The following DNAJC6 variants were observed in gnomAD, a reference collection of about 807,000 sequenced individuals.
The protein encoded by DNAJC6 is DnaJ heat shock protein family (Hsp40) member C6, also known as auxilin.
DNAJC6 carries 34 observed loss-of-function variants against 110.0 expected under a neutral mutation model. The observed-to-expected ratio is 0.31, with a 90% CI of 0.24 to 0.41. DNAJC6 has a LOEUF of 0.41. Among genes scored for constraint, DNAJC6 ranks in the 10% least tolerant of loss-of-function variants. The pLI is 1.00. For missense variants in DNAJC6, 1,031 were observed against 1,207.8 expected, an observed-to-expected ratio of 0.85 and a Z score of 2.17; for synonymous variants, 406 against 437.2, an observed-to-expected ratio of 0.93 and a Z score of 0.89.
intron 4 of DNAJC6, among the ~76,000 whole-genome samples, chr1:65,377,445 G>A (rs1211826777): frequency 6.6e-6 from 1 of 152,176 alleles, no homozygotes. Context: ...ATCATGTTGG[G>A]TAAAAGGGGC....
intron 13 of DNAJC6, among the ~76,000 whole-genome samples, chr1:65,398,546 T>G (rs1222501960): frequency 6.6e-6 from 1 of 152,162 alleles, no homozygotes; most frequent in Non-Finnish European, 1.5e-5. Flanking sequence ...CGTGTGGATA[T>G]GGAGGTAAAA....
At chr1:65,311,137 A>G (rs944519846) in intron 1 of DNAJC6, among the ~76,000 whole-genome samples, 4 of 151,590 alleles carry the variant, frequency 2.6e-5, no homozygotes, top group Non-Finnish European at 1.5e-5. Context: ...AAGTTAACCA[A>G]GATATTGATG....
intron 1 of DNAJC6, among the ~76,000 whole-genome samples, chr1:65,347,414 T>G (rs1413173568): frequency 6.6e-6 from 1 of 152,000 alleles, no homozygotes; most frequent in African/African-American, 2.4e-5. Flanking sequence ...TCTTTTTTTT[T>G]TTTACTTCAT....
intron 1 of DNAJC6, among the ~76,000 whole-genome samples, chr1:65,273,097 G>C (rs1653558127): frequency 6.6e-6 from 1 of 152,018 alleles, no homozygotes. Context: ...TTATACATTT[G>C]AGTAGTCTCT....
intron 1 of DNAJC6, among the ~76,000 whole-genome samples, chr1:65,350,593 T>A (rs1031370583): frequency 6.6e-6 from 1 of 152,234 alleles, no homozygotes; most frequent in African/African-American, 2.4e-5. Context: ...TGAAAACATG[T>A]TAAATTTTAT....
At chr1:65,330,459 C>CTT (rs554827732) in intron 1 of DNAJC6, among the ~76,000 whole-genome samples, 49 of 149,110 alleles carry the variant, frequency 3.3e-4, no homozygotes, top group African/African-American at 1.2e-3. Flanking sequence ...AAGTCTATTT[C>CTT]TTTTTTTTTT....
At chr1:65,321,670 A>G (rs2101416077) in intron 1 of DNAJC6, among the ~76,000 whole-genome samples, 1 of 152,362 alleles carries the variant, frequency 6.6e-6, no homozygotes, top group Non-Finnish European at 1.5e-5. Context: ...TATCATATGC[A>G]GAACTTACAA....
At chr1:65,357,824 T>C (rs1167543105) in intron 1 of DNAJC6, among the ~76,000 whole-genome samples, 2 of 152,170 alleles carry the variant, frequency 1.3e-5, no homozygotes, top group Non-Finnish European at 2.9e-5. Flanking sequence ...GAAGGACATA[T>C]CAAACTTGAA....
At chr1:65,345,024 G>T (rs1460708728) in intron 1 of DNAJC6, among the ~76,000 whole-genome samples, 1 of 152,130 alleles carries the variant, frequency 6.6e-6, no homozygotes, top group East Asian at 1.9e-4. Context: ...ACCTCAAGTT[G>T]CCATTTACTA....
At chr1:65,291,444 T>C (rs2101229192) in intron 1 of DNAJC6, among the ~76,000 whole-genome samples, 1 of 152,364 alleles carries the variant, frequency 6.6e-6, no homozygotes, top group African/African-American at 2.4e-5. Flanking sequence ...AAGTTAGTAA[T>C]GAATCTATAG....
At chr1:65,324,309 T>C (rs1170195674) in intron 1 of DNAJC6, among the ~76,000 whole-genome samples, 1 of 152,074 alleles carries the variant, frequency 6.6e-6, no homozygotes, top group African/African-American at 2.4e-5. Context: ...CCCTCATAGC[T>C]GGGACTGCAG....
Position 65,365,119 on chromosome 1 carries a change from AC to A in DNAJC6, c.344+337del, listed in dbSNP as rs372133046. 1.5e-4 allele frequency among the ~76,000 whole-genome samples: 23 copies of A among 151,960 alleles called. No homozygotes were observed. In the East Asian group the frequency reaches 3.9e-3, roughly 26 times the overall value. ...TAACCTCTCAGAGCTTTTTTTTTAT[AC>A]CCTGACAGGATTTGTGTCTTTGGGT... On this transcript the variant is annotated intron_variant, in intron 2 of 18. Transcript: ENST00000371069.
intron 4 of DNAJC6, among the ~76,000 whole-genome samples, chr1:65,373,382 A>G (rs6588140): frequency 0.25 from 38,094 of 151,922 alleles, 8,291 homozygotes; most frequent in East Asian, 0.61. Flanking sequence ...TGATTGTACT[A>G]ATTTACCTTC....
chr1:65,343,696 T>C (rs1645410289), intron 1 of DNAJC6, among the ~76,000 whole-genome samples: 1 of 151,934 alleles, frequency 6.6e-6, no homozygotes, highest in Non-Finnish European at 1.5e-5. Context: ...AGAGAAAAGC[T>C]GCAGGGTGCT....
chr1:65,336,402 G>A (rs554479875), intron 1 of DNAJC6, among the ~76,000 whole-genome samples: 101 of 152,234 alleles, frequency 6.6e-4, no homozygotes, highest in Non-Finnish European at 1.3e-3. Context: ...AGATTTGGGT[G>A]GGGACACAGC....
chr1:65,366,586 G>T (rs1301884478), intron 4 of DNAJC6, among the ~76,000 whole-genome samples: 1 of 152,152 alleles, frequency 6.6e-6, no homozygotes, highest in African/African-American at 2.4e-5. Flanking sequence ...TCAAGATAAG[G>T]CAGTGTGGAT....
chr1:65,377,084 G>C (rs1188266593), intron 4 of DNAJC6, among the ~76,000 whole-genome samples: 1 of 152,164 alleles, frequency 6.6e-6, no homozygotes, highest in Non-Finnish European at 1.5e-5. Flanking sequence ...TTTTGAATTT[G>C]TACAGACTCG....
chr1:65,392,067 C>T (rs764535987), intron 11 of DNAJC6, among the ~76,000 whole-genome samples: 2 of 152,164 alleles, frequency 1.3e-5, no homozygotes, highest in South Asian at 2.1e-4. Flanking sequence ...TGAACCACCA[C>T]GCCCGGCCGT....
rs1646153122 is a variant in DNAJC6, at chr1:65,414,325, T to C, written c.*1300T>C. 6.6e-6 allele frequency: 1 copy of C among 152,644 alleles called. No homozygotes were observed. Among genetic ancestry groups the C allele is most frequent in the Non-Finnish European group, 1.5e-5 (1 of 68,042 alleles). The allele number at this position is 152,644 out of a possible 1,614,324, so 9.5% of individuals were successfully genotyped here. A position where few individuals can be genotyped will look rare whatever the true frequency, so the allele number is the denominator to read the frequency against. ...ATTTTAAGGGGTAAGCAGTTTGCTA[T>C]TCTGTGACTTTAGTAGATCTCTTTT... On this transcript the variant is annotated 3_prime_UTR_variant, in exon 19 of 19. Coordinates refer to ENST00000371069, the MANE Select transcript of DNAJC6 (RefSeq NM_001256864.2).
Sources: allele counts gnomAD v4.1 joint callset (sites outside exome capture counted in the v4.1 genomes callset), GRCh38; gene constraint gnomAD v4.1.1; transcripts MANE v1.5; gene names NCBI Gene and HGNC (gene_info 2026-07-23, HGNC 2026-07-21).